Variants in PPP1R13B observed in about 807,000 individuals in gnomAD.
PPP1R13B encodes the protein protein phosphatase 1 regulatory subunit 13B, also known as apoptosis-stimulating of p53 protein 1.
A neutral mutation model predicts 119.8 loss-of-function variants in PPP1R13B; 44 were observed. The ratio of observed to expected loss-of-function variants is 0.37; its 90% confidence interval spans 0.29 to 0.47. The LOEUF (loss-of-function observed/expected upper bound fraction) is 0.47. Among genes scored for constraint, PPP1R13B ranks in the 20% least tolerant of loss-of-function variants. PPP1R13B has a pLI of 0.99. For missense variants in PPP1R13B, 1,227 were observed against 1,413.5 expected, an observed-to-expected ratio of 0.87 and a Z score of 2.12; for synonymous variants, 542 against 561.5, an observed-to-expected ratio of 0.97 and a Z score of 0.49.
At chr14:103,763,976 T>C (rs932692997) in intron 4 of PPP1R13B, 1 of 152,294 alleles carries the variant, frequency 6.6e-6, no homozygotes, top group African/African-American at 2.4e-5. Flanking sequence ...TGCTGCATCA[T>C]ATTCAGTCAG....
intron 2 of PPP1R13B, among the ~76,000 whole-genome samples, chr14:103,788,549 C>T (rs1411248205): frequency 6.6e-6 from 1 of 152,090 alleles, no homozygotes; most frequent in African/African-American, 2.4e-5. Flanking sequence ...ATTAGCCAGG[C>T]ATGACAGTGC....
At chr14:103,777,335 C>T (rs1035202255) in intron 4 of PPP1R13B, among the ~76,000 whole-genome samples, 1 of 152,142 alleles carries the variant, frequency 6.6e-6, no homozygotes, top group African/African-American at 2.4e-5. Flanking sequence ...CAGCTCCCCT[C>T]ACCTATGATA....
At chr14:103,831,061 G>A (rs550024751) in intron 1 of PPP1R13B, among the ~76,000 whole-genome samples, 7 of 149,190 alleles carry the variant, frequency 4.7e-5, no homozygotes, top group South Asian at 2.1e-4. Context: ...CTTCTGCCTC[G>A]GCCTGCCAAG....
At chr14:103,776,006 A>G (rs1318121190) in intron 4 of PPP1R13B, among the ~76,000 whole-genome samples, 1 of 152,116 alleles carries the variant, frequency 6.6e-6, no homozygotes, top group African/African-American at 2.4e-5. Context: ...AAAATCTAAA[A>G]TAATGAAACT....
At chr14:103,806,103 A>G (rs565194807) in intron 1 of PPP1R13B, among the ~76,000 whole-genome samples, 2 of 152,348 alleles carry the variant, frequency 1.3e-5, no homozygotes, top group South Asian at 2.1e-4. Context: ...CTTGACTTAC[A>G]TGGTACAAAG....
chr14:103,758,813 C>G (rs1428985838), intron 4 of PPP1R13B, among the ~76,000 whole-genome samples: 4 of 152,130 alleles, frequency 2.6e-5, no homozygotes, highest in Non-Finnish European at 4.4e-5. Context: ...TCTTAGGATA[C>G]CTTCACCTTC....
intron 1 of PPP1R13B, among the ~76,000 whole-genome samples, chr14:103,823,361 A>G (rs1391270136): frequency 1.3e-5 from 2 of 151,722 alleles, no homozygotes; most frequent in Non-Finnish European, 2.9e-5. Context: ...AAAAAAAAAC[A>G]ACAGGGACAA....
intron 1 of PPP1R13B, among the ~76,000 whole-genome samples, chr14:103,832,082 G>A (rs1012268046): frequency 6.6e-6 from 1 of 151,540 alleles, no homozygotes; most frequent in African/African-American, 2.4e-5. Flanking sequence ...ATTCCAGCCT[G>A]GGCAGCAAAG....
At chr14:103,756,158 G>T (rs946171646) in intron 5 of PPP1R13B, among the ~76,000 whole-genome samples, 1 of 151,550 alleles carries the variant, frequency 6.6e-6, no homozygotes, top group Non-Finnish European at 1.5e-5. Context: ...GCAATGGCGC[G>T]ATCTCAGCTC....
intron 1 of PPP1R13B, among the ~76,000 whole-genome samples, chr14:103,814,062 T>A (rs901167223): frequency 2.0e-5 from 3 of 152,208 alleles, no homozygotes; most frequent in African/African-American, 7.2e-5. Context: ...TTAAATAATT[T>A]GTCCCAGATG....
At chr14:103,840,790 C>CAA (rs34293851) in intron 1 of PPP1R13B, among the ~76,000 whole-genome samples, 24 of 137,400 alleles carry the variant, frequency 1.7e-4, no homozygotes, top group African/African-American at 3.6e-4. Flanking sequence ...GACTTCCTCT[C>CAA]AAAAAAAAAA....
chr14:103,787,258 G>C (rs2085489112), intron 2 of PPP1R13B, among the ~76,000 whole-genome samples: 1 of 150,990 alleles, frequency 6.6e-6, no homozygotes, highest in African/African-American at 2.4e-5. Flanking sequence ...AGACCAGCCT[G>C]GACAACATGG....
intron 9 of PPP1R13B, among the ~76,000 whole-genome samples, chr14:103,745,737 G>A (rs1045656277): frequency 2.6e-5 from 4 of 152,234 alleles, no homozygotes; most frequent in Non-Finnish European, 5.9e-5. Flanking sequence ...CATCCATGCC[G>A]GGCCTCAGTG....
At chr14:103,791,993 T>C (rs991217404) in intron 2 of PPP1R13B, among the ~76,000 whole-genome samples, 2 of 152,190 alleles carry the variant, frequency 1.3e-5, no homozygotes, top group African/African-American at 4.8e-5. Flanking sequence ...ATCAACATTG[T>C]CAGTAAATTT....
chr14:103,768,336 G>A (rs1477317861), intron 4 of PPP1R13B, among the ~76,000 whole-genome samples: 8 of 151,152 alleles, frequency 5.3e-5, no homozygotes, highest in Non-Finnish European at 7.4e-5. Context: ...TTGCTCTGTC[G>A]CCAGGCTGGA....
rs768321223 is a variant in PPP1R13B at position 103,769,804 on chromosome 14, C to T, written c.354+8941G>A. Among the ~76,000 whole-genome samples, 8 of 152,238 alleles carry T rather than the reference C, an allele frequency of 5.3e-5. No individual in the cohort carries two copies. In the East Asian group the frequency reaches 9.7e-4, roughly 18 times the overall value. On this transcript the variant is annotated intron_variant, in intron 4 of 16. Transcript: ENST00000202556. ...ATGATATCAAGATACCTTATGAACA[C>T]GGATGCTCATTTTTATCACATAAAT...
intron 4 of PPP1R13B, among the ~76,000 whole-genome samples, chr14:103,777,800 T>C (rs1218015728): frequency 1.4e-5 from 2 of 141,016 alleles, no homozygotes; most frequent in Non-Finnish European, 3.1e-5. Context: ...AAAAAGCAAT[T>C]AAAAAAAAAA....
At chr14:103,794,323 T>G (rs1361792780) in intron 2 of PPP1R13B, among the ~76,000 whole-genome samples, 1 of 102,200 alleles carries the variant, frequency 9.8e-6, no homozygotes, top group East Asian at 2.6e-4. Context: ...AGTAATTTGT[T>G]TTTTGTTTTT....
Position 103,737,803 on chromosome 14 carries a change from C to T in PPP1R13B, c.2922G>A (p.Val974=), listed in dbSNP as rs762228492. The T allele has an allele frequency of 6.2e-6, 10 of 1,614,234 alleles. No homozygotes were observed. The East Asian group carries it at 2.0e-4, about 32-fold the overall frequency. ...AGGCAAAAATGGCGGCACCACTCTC[C>T]ACCAGCTGTTTGCAGAGGTGAACGC... is the stretch of plus-strand genomic sequence containing the variant. ...CNSVHLCKQL[V]ESGAAIFAST... The change falls in exon 15 of 17, where the codon GTG becomes GTA. Residue 974 remains valine, a synonymous_variant. Coordinates refer to ENST00000202556, the MANE Select transcript of PPP1R13B (RefSeq NM_015316.3).
Sources: gnomAD v4.1 joint callset for allele counts (sites outside exome capture counted in the v4.1 genomes callset) on GRCh38, gnomAD v4.1.1 for gene constraint, MANE v1.5 for transcripts, NCBI Gene and HGNC (gene_info 2026-07-23, HGNC 2026-07-21) for gene names.